ASMT: variants seen among roughly 807,000 people sequenced by gnomAD.
ASMT encodes the protein acetylserotonin N-methyltransferase.
In ASMT, 53 loss-of-function variants were observed where a neutral mutation model predicts 41.3. That is an observed-to-expected ratio of 1.28 (90% CI 1.03 to 1.61). The LOEUF is 1.61. Ranked by LOEUF, ASMT falls within the 40% of genes most tolerant of loss-of-function variation. The probability of loss-of-function intolerance (pLI) is 0.00; values close to 1 mark genes in which losing one functional copy is unlikely to be tolerated. For missense variants in ASMT, 531 were observed against 441.3 expected, an observed-to-expected ratio of 1.20 and a Z score of -1.82; for synonymous variants, 231 against 184.8, an observed-to-expected ratio of 1.25 and a Z score of -2.03.
chrX:1,616,159 T>C (rs184052949), intron 1 of ASMT, among the ~76,000 whole-genome samples: 4 of 148,200 alleles, frequency 2.7e-5, no homozygotes, highest in South Asian at 2.1e-4. Flanking sequence ...CTCCCGAGTA[T>C]CTGGGATTAC....
Position 1,635,976 on chromosome X carries a change from T to G in ASMT, c.788-462T>G, listed in dbSNP as rs758466024. Among the ~76,000 whole-genome samples, 17 of 150,792 alleles carry G rather than the reference T, an allele frequency of 1.1e-4. No individual in the cohort carries two copies. In the South Asian group the frequency reaches 1.7e-3, roughly 15 times the overall value. On this transcript the variant is annotated intron_variant, in intron 7 of 8. Transcript: ENST00000381241. ...AGTATTTTCTTTCTTTTTTTTTTTT[T>G]GGAGACAGTCTCGCTGTCGCCCAGG...
intron 1 of ASMT, among the ~76,000 whole-genome samples, chrX:1,617,033 T>G (rs1340465122): frequency 6.6e-6 from 1 of 151,762 alleles, no homozygotes; most frequent in Non-Finnish European, 1.5e-5. Flanking sequence ...ATTAGCCAGG[T>G]GGGGTGGTGC....
intron 5 of ASMT, among the ~76,000 whole-genome samples, chrX:1,631,023 G>A (rs1215132426): frequency 6.7e-6 from 1 of 150,030 alleles, no homozygotes; most frequent in Non-Finnish European, 1.5e-5. Context: ...CCATTCTCCT[G>A]CCTCAGCCTC....
chrX:1,642,775 G>C (rs183257193), intron 8 of ASMT, 28 bp from the exon 9 acceptor site: 1 of 1,596,748 alleles, frequency 6.3e-7, no homozygotes. Context: ...GTTTGTGTGT[G>C]ATGTGGACTG....
At chrX:1,630,933 T>C (rs1403884602) in intron 5 of ASMT, among the ~76,000 whole-genome samples, 4 of 146,776 alleles carry the variant, frequency 2.7e-5, no homozygotes, top group South Asian at 2.1e-4. Context: ...TTTTTTGAGA[T>C]GGAGTCTTGC....
At chrX:1,624,484 G>T in intron 3 of ASMT, 86 bp downstream of exon 3, 1 of 1,464,938 alleles carries the variant, frequency 6.8e-7, no homozygotes. Context: ...CCAGGCAGAT[G>T]CTGGGAGGTG....
chrX:1,623,455 C>A, intron 2 of ASMT, 142 bp downstream of exon 2: 1 of 1,098,810 alleles, frequency 9.1e-7, no homozygotes, highest in Non-Finnish European at 1.3e-6. Flanking sequence ...AAAAATTAGC[C>A]GGGTGTGGTG....
At chrX:1,642,160 T>A (rs1294072109) in intron 8 of ASMT, among the ~76,000 whole-genome samples, 2 of 145,406 alleles carry the variant, frequency 1.4e-5, no homozygotes, top group African/African-American at 5.1e-5. Flanking sequence ...TGATGGTCCA[T>A]GAGGACATGG....
rs2088566595 is a variant in ASMT, at chrX:1,635,630, G to A, written c.788-808G>A. Among the ~76,000 whole-genome samples the A allele has an allele frequency of 2.0e-5, 3 of 152,054 alleles. 1 individual carries two copies. The South Asian group carries it at 6.2e-4, about 31-fold the overall frequency. ...TAATCCCAGCACTTTGGGAGGCCGA[G>A]GCGGGCGGATCACCTCAGGTTGGGG... On this transcript the variant is annotated intron_variant, in intron 7 of 8. Coordinates refer to ENST00000381241, the MANE Select transcript of ASMT (RefSeq NM_001171038.2).
chrX:1,635,337 C>G (rs1934921947), intron 7 of ASMT, among the ~76,000 whole-genome samples: 5 of 151,986 alleles, frequency 3.3e-5, no homozygotes, highest in Non-Finnish European at 7.4e-5. Flanking sequence ...AAGATTGGCA[C>G]CTTATCATTT....
rs1436334642 is a variant in ASMT, at chrX:1,623,405, G to C, written c.244+92G>C. The C allele has an allele frequency of 3.3e-6, 5 of 1,503,246 alleles. No homozygotes were observed. The Admixed American group carries it at 9.0e-5, about 27-fold the overall frequency. 93.1% of individuals were successfully genotyped at this position (1,503,246 alleles called of 1,614,324 possible). On this transcript the variant is annotated intron_variant, in intron 2 of 8. Coordinates refer to ENST00000381241, the MANE Select transcript of ASMT (RefSeq NM_001171038.2). ...AAAAAGTGAAACAGTCTCCATCCTG[G>C]CTCACACAGTGAAACCCCGTCTCTA... is the stretch of plus-strand genomic sequence containing the variant.
At chrX:1,626,932 G>A (rs1203013182) in intron 3 of ASMT, among the ~76,000 whole-genome samples, 1 of 151,788 alleles carries the variant, frequency 6.6e-6, no homozygotes, top group Non-Finnish European at 1.5e-5. Context: ...GGGAGGTTGA[G>A]GCAGGAGAAT....
At position 1,628,043 on chromosome X, in the gene ASMT, G is replaced by A. The variant is rs748350751; in HGVS notation, c.443+272G>A. 480 of 533,816 alleles carry A rather than the reference G, an allele frequency of 9.0e-4. 9 individuals carry two copies. The South Asian group carries it at 9.4e-3, about 10-fold the overall frequency. 33.1% of individuals were successfully genotyped at this position (533,816 alleles called of 1,614,324 possible). The stretch of plus-strand genomic sequence containing the variant: ...TATGTAGAAAATGGAGGCACGCGCC[G>A]GGCGCGGTGGCTCACGCCTGTCATC... On this transcript the variant is annotated intron_variant, in intron 4 of 8. Coordinates refer to ENST00000381241, the MANE Select transcript of ASMT (RefSeq NM_001171038.2).
intron 5 of ASMT, among the ~76,000 whole-genome samples, chrX:1,631,105 G>C (rs1285547710): frequency 2.7e-5 from 4 of 150,718 alleles, no homozygotes; most frequent in African/African-American, 9.7e-5. Context: ...TAGTAGAGAC[G>C]GGGTTTCTCC....
chrX:1,633,465 G>T (rs1413809774), intron 7 of ASMT, 175 bp downstream of exon 7: 1 of 206,076 alleles, frequency 4.9e-6, no homozygotes, highest in Non-Finnish European at 8.5e-6. Flanking sequence ...TAGATATACA[G>T]TTTTCTTACA....
Position 1,627,491 on chromosome X carries a change from G to T in ASMT, c.375-212G>T, listed in dbSNP as rs190184198. ...CAAAAATTAGCTGGGCGTGGTGGCGGGCGCCTATAGTCCCAGCTACTCGGG... is the reference window on the plus strand; with the variant it reads ...CAAAAATTAGCTGGGCGTGGTGGCGTGCGCCTATAGTCCCAGCTACTCGGG... On this transcript the variant is annotated intron_variant, in intron 3 of 8. Transcript: ENST00000381241. 1.6e-3 allele frequency among the ~76,000 whole-genome samples: 247 copies of T among 151,592 alleles called. 1 individual carries two copies. Among genetic ancestry groups the T allele is most frequent in the Middle Eastern group, 0.014 (4 of 290 alleles).
intron 3 of ASMT, among the ~76,000 whole-genome samples, chrX:1,625,633 A>G (rs1427785665): frequency 2.0e-5 from 3 of 151,450 alleles, no homozygotes; most frequent in Non-Finnish European, 2.9e-5. Flanking sequence ...AGAGAGAGAG[A>G]GAGAGAAGAC....
intron 1 of ASMT, 70 bp from the exon 2 acceptor site, chrX:1,623,069 T>TG: frequency 6.7e-7 from 1 of 1,488,054 alleles, no homozygotes; most frequent in Non-Finnish European, 9.4e-7. Context: ...TGCCATGGTA[T>TG]GGGGTGTTTC....
chrX:1,622,948 A>T (rs1339128784), intron 1 of ASMT, among the ~76,000 whole-genome samples, 191 bp from the exon 2 acceptor site: 1 of 151,806 alleles, frequency 6.6e-6, no homozygotes, highest in Non-Finnish European at 1.5e-5. Flanking sequence ...AAAATAAATA[A>T]ATAAATATGA....
Sources: gnomAD v4.1 joint callset for allele counts (sites outside exome capture counted in the v4.1 genomes callset) on GRCh38, gnomAD v4.1.1 for gene constraint, MANE v1.5 for transcripts, NCBI Gene and HGNC (gene_info 2026-07-23, HGNC 2026-07-21) for gene names.